The following TMED5 variants were observed in gnomAD, a reference collection of about 807,000 sequenced individuals.
The protein encoded by TMED5 is transmembrane p24 trafficking protein 5.
In TMED5, 27 loss-of-function variants were observed where a neutral mutation model predicts 23.0. The observed-to-expected ratio is 1.17, with a 90% CI of 0.86 to 1.62. The LOEUF is 1.62. Ranked by LOEUF, TMED5 falls within the 40% of genes most tolerant of loss-of-function variation. The pLI, the probability that TMED5 is intolerant of heterozygous loss-of-function variation, is 0.00. For synonymous variants in TMED5, 97 were observed against 100.8 expected, an observed-to-expected ratio of 0.96 and a Z score of 0.23; for missense variants, 248 against 273.7, an observed-to-expected ratio of 0.91 and a Z score of 0.66.
chr1:93,161,311 A>G (rs1447424609), intron 1 of TMED5: 2 of 152,210 alleles, frequency 1.3e-5, no homozygotes, highest in Non-Finnish European at 2.9e-5. Context: ...AAAAAAAATA[A>G]GTAAAAAATA....
chr1:93,156,439 G>A lies in TMED5; in HGVS notation c.332C>T (p.Thr111Ile), dbSNP rs372238548. ...VGDYMFCFDNTFSTISEKVIF... is the reference protein window; with the variant it reads ...VGDYMFCFDNIFSTISEKVIF... ...CACCTTCTCAGAAATGGTGCTGAAT[G>A]TATTGTCAAAGCAGAACATGTAATC... Residue 111 changes from threonine to isoleucine, a missense_variant, in exon 3 of 4, where the codon ACA (threonine) becomes ATA (isoleucine). By Grantham distance (89) the Thr-to-Ile change is moderately conservative (BLOSUM62 -1). Coordinates refer to ENST00000370282, the MANE Select transcript of TMED5 (RefSeq NM_016040.5). 25 of 1,613,802 alleles carry A rather than the reference G, an allele frequency of 1.5e-5. No individual in the cohort carries two copies. The highest frequency in any genetic ancestry group is 2.2e-5 in the South Asian group (2 of 91,068).
intron 1 of TMED5, among the ~76,000 whole-genome samples, chr1:93,171,324 C>G (rs577157861): frequency 1.3e-5 from 2 of 152,190 alleles, no homozygotes; most frequent in Non-Finnish European, 2.9e-5. Context: ...ACTCCGGACA[C>G]GCTGCCTTTA....
intron 3 of TMED5, 115 bp downstream of exon 3, chr1:93,156,185 A>G: frequency 8.4e-7 from 1 of 1,187,154 alleles, no homozygotes; most frequent in Non-Finnish European, 1.2e-6. Context: ...AAAATAAAAT[A>G]TTAGAAACAG....
intron 1 of TMED5, among the ~76,000 whole-genome samples, chr1:93,171,102 G>A (rs1648713881): frequency 6.6e-6 from 1 of 152,132 alleles, no homozygotes; most frequent in Non-Finnish European, 1.5e-5. Flanking sequence ...CTGCCTTTAT[G>A]AGCTGTAACA....
Position 93,156,471 on chromosome 1 carries a change from T to A in TMED5, c.300A>T (p.Glu100Asp). Residue 100 changes from glutamate to aspartate, a missense_variant, in exon 3 of 4, where the codon GAA becomes GAT. By Grantham distance (45) the Glu-to-Asp change is conservative (BLOSUM62 2). Coordinates refer to ENST00000370282, the MANE Select transcript of TMED5 (RefSeq NM_016040.5). ...CAAAGCAGAACATGTAATCACCAAC[T>A]TCAGTCTCTACACTGTATAAAAAAA... ...KSDGVHTVET[E>D]VGDYMFCFDN... 1 of 1,613,330 alleles carries A rather than the reference T, an allele frequency of 6.2e-7. No individual in the cohort carries two copies. The highest frequency in any genetic ancestry group is 8.5e-7 in the Non-Finnish European group (1 of 1,179,392).
intron 1 of TMED5, among the ~76,000 whole-genome samples, chr1:93,172,959 T>C (rs942195072): frequency 2.0e-5 from 3 of 152,166 alleles, no homozygotes; most frequent in African/African-American, 4.8e-5. Flanking sequence ...AGACAAATAC[T>C]GCATTATCTC....
intron 2 of TMED5, 94 bp from the exon 3 acceptor site, chr1:93,156,577 G>T: frequency 1.1e-6 from 1 of 952,250 alleles, no homozygotes; most frequent in Non-Finnish European, 1.6e-6. Context: ...CAGGCTGAGT[G>T]TGTTGCCTCA....
chr1:93,165,814 T>C (rs901787732), intron 1 of TMED5, among the ~76,000 whole-genome samples: 2 of 152,244 alleles, frequency 1.3e-5, no homozygotes, highest in African/African-American at 4.8e-5. Context: ...TGATTGACTA[T>C]AGTCAACTGT....
chr1:93,158,903 GT>G (rs1479025699), intron 2 of TMED5: 12 of 932,526 alleles, frequency 1.3e-5, no homozygotes, highest in Non-Finnish European at 1.5e-5. Flanking sequence ...AGAGAAAACA[GT>G]TAATTCCAAG....
At position 93,151,946 on chromosome 1, in the gene TMED5, CTGAT is replaced by C. The variant is rs765290599; in HGVS notation, c.*2720_*2723del. The C allele has an allele frequency of 2.0e-4, 31 of 152,552 alleles. No individual in the cohort carries two copies. The highest frequency in any genetic ancestry group is 6.0e-4 in the African/African-American group (25 of 41,562). 9.4% of individuals were successfully genotyped at this position (152,552 alleles called of 1,614,324 possible). A position where few individuals can be genotyped will look rare whatever the true frequency, so the allele number is the denominator to read the frequency against. On this transcript the variant is annotated 3_prime_UTR_variant, in exon 4 of 4. Coordinates refer to ENST00000370282, the MANE Select transcript of TMED5 (RefSeq NM_016040.5). ...TAAGTATAAAGCAGTTTGAGCAACA[CTGAT>C]TGTGCATTATTGTACTTCAGATGAA...
intron 1 of TMED5, among the ~76,000 whole-genome samples, chr1:93,170,838 TC>T (rs1648700958): frequency 6.6e-6 from 1 of 152,196 alleles, no homozygotes; most frequent in Admixed American, 6.5e-5. Flanking sequence ...ACTTTTGTTG[TC>T]TAGCTCAGGG....
At chr1:93,157,494 C>G (rs1648114893) in intron 2 of TMED5, among the ~76,000 whole-genome samples, 1 of 152,072 alleles carries the variant, frequency 6.6e-6, no homozygotes, top group Admixed American at 6.5e-5. Flanking sequence ...CTTTGGGAGT[C>G]TGAGGCAGGA....
At chr1:93,163,180 A>AT (rs1648348047) in intron 1 of TMED5, 1 of 152,086 alleles carries the variant, frequency 6.6e-6, no homozygotes, top group South Asian at 2.1e-4. Flanking sequence ...CAAAAACAAA[A>AT]AATATATATA....
intron 2 of TMED5, among the ~76,000 whole-genome samples, chr1:93,157,026 G>T (rs1032853546): frequency 1.3e-5 from 2 of 151,948 alleles, no homozygotes; most frequent in African/African-American, 4.8e-5. Context: ...TTTGGAAAAG[G>T]ATAGAATTAA....
At position 93,153,307 on chromosome 1, in the gene TMED5, C is replaced by CTATA. The variant is rs1339618633; in HGVS notation, c.*1362_*1363insTATA. Reference sequence around the variant, plus strand: ...ATTTAGGTGTTTAAAACTTGGGAGTCTATGTTTCTAATCCTTACTTCAACA... The same window carrying CTATA: ...ATTTAGGTGTTTAAAACTTGGGAGTCTATATATGTTTCTAATCCTTACTTCAACA... On this transcript the variant is annotated 3_prime_UTR_variant, in exon 4 of 4. Coordinates refer to ENST00000370282, the MANE Select transcript of TMED5 (RefSeq NM_016040.5). 1 of 152,076 alleles carries CTATA rather than the reference C, an allele frequency of 6.6e-6. No individual in the cohort carries two copies. Among genetic ancestry groups the CTATA allele is most frequent in the African/African-American group, 2.4e-5 (1 of 41,402 alleles). 9.4% of individuals were successfully genotyped at this position (152,076 alleles called of 1,614,324 possible).
chr1:93,155,299 C>T (rs1452831744), intron 3 of TMED5, among the ~76,000 whole-genome samples: 1 of 152,112 alleles, frequency 6.6e-6, no homozygotes, highest in Non-Finnish European at 1.5e-5. Context: ...GATGGCTGCA[C>T]AATTCAATTA....
At chr1:93,171,752 C>G (rs1648741038) in intron 1 of TMED5, among the ~76,000 whole-genome samples, 1 of 152,102 alleles carries the variant, frequency 6.6e-6, no homozygotes, top group Non-Finnish European at 1.5e-5. Flanking sequence ...AAAGACATTA[C>G]AAGAAATGGA....
In TMED5 at chr1:93,152,059, A is replaced by G. The variant is rs769970443; in HGVS notation, c.*2611T>C. 41 of 152,588 alleles carry G rather than the reference A, an allele frequency of 2.7e-4. No individual in the cohort carries two copies. The highest frequency in any genetic ancestry group is 2.4e-3 in the Admixed American group (36 of 15,268). 9.5% of individuals were successfully genotyped at this position (152,588 alleles called of 1,614,324 possible). A position where few individuals can be genotyped will look rare whatever the true frequency, so the allele number is the denominator to read the frequency against. ...AGGAGACATACAATTGTAAGTGCTCATTTTTTGTCAATTTTAAGACACCAT... is the reference window on the plus strand; with the variant it reads ...AGGAGACATACAATTGTAAGTGCTCGTTTTTTGTCAATTTTAAGACACCAT... On this transcript the variant is annotated 3_prime_UTR_variant, in exon 4 of 4. Transcript: ENST00000370282.
intron 1 of TMED5, among the ~76,000 whole-genome samples, chr1:93,173,244 T>C (rs573662306): frequency 6.6e-6 from 1 of 152,312 alleles, no homozygotes; most frequent in African/African-American, 2.4e-5. Flanking sequence ...CAATGTTAAT[T>C]AGCCTGATTT....
Sources: gnomAD v4.1 joint callset for allele counts (sites outside exome capture counted in the v4.1 genomes callset) on GRCh38, gnomAD v4.1.1 for gene constraint, MANE v1.5 for transcripts, NCBI Gene and HGNC (gene_info 2026-07-23, HGNC 2026-07-21) for gene names.